The following RGL1 variants were observed in gnomAD, a reference collection of about 807,000 sequenced individuals.
RGL1 encodes the protein ral guanine nucleotide dissociation stimulator-like 1.
A neutral mutation model predicts 95.2 loss-of-function variants in RGL1; 24 were observed. That is an observed-to-expected ratio of 0.25 (90% CI 0.18 to 0.35). The LOEUF (loss-of-function observed/expected upper bound fraction) is 0.35, where lower values mean the gene tolerates loss of function less well. RGL1 is among the 10% of genes least tolerant of loss of function. The pLI is 1.00. For missense variants in RGL1, 715 were observed against 936.3 expected (o/e 0.76, Z 3.08); for synonymous variants, 329 against 344.9 (o/e 0.95, Z 0.51).
chr1:183,821,161 T>G lies in RGL1; in HGVS notation c.138+14676T>G, dbSNP rs12075551. Among the ~76,000 whole-genome samples, 219 of 152,140 alleles carry G rather than the reference T, an allele frequency of 1.4e-3. 2 individuals carry two copies. In the East Asian group the frequency reaches 0.035, roughly 25 times the overall value. Reference sequence around the variant, plus strand: ...ATAATAATAATAATAATAATAATACTTGTACCTGTTTCTTTTCAATGTTTT... The same window carrying G: ...ATAATAATAATAATAATAATAATACGTGTACCTGTTTCTTTTCAATGTTTT... On this transcript the variant is annotated intron_variant, in intron 2 of 17. Coordinates refer to ENST00000360851, the MANE Select transcript of RGL1 (RefSeq NM_001297671.3).
intron 1 of RGL1, among the ~76,000 whole-genome samples, chr1:183,738,687 G>A (rs940769804): frequency 6.6e-6 from 1 of 152,088 alleles, no homozygotes; most frequent in Non-Finnish European, 1.5e-5. Context: ...GATAATTTGA[G>A]GCCAAGAGTT....
chr1:183,793,234 A>T (rs1183080651), intron 2 of RGL1, among the ~76,000 whole-genome samples: 1 of 152,216 alleles, frequency 6.6e-6, no homozygotes, highest in Non-Finnish European at 1.5e-5. Flanking sequence ...GGATGTTCAT[A>T]TGCAGAAGAA....
chr1:183,860,800 G>T (rs1420275926), intron 3 of RGL1, among the ~76,000 whole-genome samples: 1 of 152,170 alleles, frequency 6.6e-6, no homozygotes, highest in Non-Finnish European at 1.5e-5. Flanking sequence ...TGAAAACAGA[G>T]ACTTTGGTTT....
chr1:183,740,173 A>G (rs1309292090), intron 1 of RGL1, among the ~76,000 whole-genome samples: 1 of 151,782 alleles, frequency 6.6e-6, no homozygotes, highest in Non-Finnish European at 1.5e-5. Context: ...CTTTTTTTGG[A>G]CTGAAATCTC....
At chr1:183,915,927 G>A (rs1668933754) in intron 15 of RGL1, among the ~76,000 whole-genome samples, 1 of 152,204 alleles carries the variant, frequency 6.6e-6, no homozygotes. Context: ...AGCAGAACAG[G>A]TATGGGACTA....
chr1:183,657,296 T>A (rs954276884), intron 1 of RGL1, among the ~76,000 whole-genome samples: 1 of 152,228 alleles, frequency 6.6e-6, no homozygotes, highest in Non-Finnish European at 1.5e-5. Context: ...TTTTAAAAAA[T>A]TTTATTATTA....
At chr1:183,660,812 G>A (rs1281517565) in intron 1 of RGL1, among the ~76,000 whole-genome samples, 2 of 152,040 alleles carry the variant, frequency 1.3e-5, no homozygotes, top group Non-Finnish European at 2.9e-5. Context: ...TTGGAAGTAA[G>A]CTCTCCTCAG....
chr1:183,806,264 C>T, intron 1 of RGL1, 111 bp from the exon 2 acceptor site: 1 of 702,746 alleles, frequency 1.4e-6, no homozygotes, highest in Non-Finnish European at 2.5e-6. Flanking sequence ...TTTGAACAGC[C>T]CATCTTGTGC....
chr1:183,776,560 G>A (rs1659614617), intron 2 of RGL1, among the ~76,000 whole-genome samples: 1 of 152,210 alleles, frequency 6.6e-6, no homozygotes, highest in Non-Finnish European at 1.5e-5. Flanking sequence ...AAAGCTAAGA[G>A]GAATTAATGA....
intron 1 of RGL1, among the ~76,000 whole-genome samples, chr1:183,726,651 C>G (rs1342585211): frequency 6.6e-6 from 1 of 152,010 alleles, no homozygotes; most frequent in Non-Finnish European, 1.5e-5. Context: ...AATGTATAGG[C>G]CCAGATTTAT....
chr1:183,775,231 A>G (rs182024798), intron 2 of RGL1, among the ~76,000 whole-genome samples: 42 of 152,318 alleles, frequency 2.8e-4, no homozygotes, highest in African/African-American at 9.9e-4. Flanking sequence ...TGTTTCGGTA[A>G]CATATTCCAT....
chr1:183,726,620 T>C (rs1656326770), intron 1 of RGL1, among the ~76,000 whole-genome samples: 1 of 152,280 alleles, frequency 6.6e-6, no homozygotes, highest in East Asian at 1.9e-4. Context: ...TAATTTGTAA[T>C]TAGAAATCTT....
chr1:183,779,889 AATGTATTTGTGAAGG>A (rs368960924), intron 2 of RGL1, among the ~76,000 whole-genome samples: 1 of 152,256 alleles, frequency 6.6e-6, no homozygotes, highest in African/African-American at 2.4e-5. Flanking sequence ...GTGGGTGAAG[AATGTATTTGTGAAGG>A]AGGAAATGGG....
intron 2 of RGL1, among the ~76,000 whole-genome samples, chr1:183,796,164 ATTTTTTT>A (rs566005120): frequency 7.8e-6 from 1 of 128,090 alleles, no homozygotes; most frequent in East Asian, 2.2e-4. Context: ...TTGTATTCCT[ATTTTTTT>A]TTTTTTTTTT....
chr1:183,777,457 G>A (rs1376579001), intron 2 of RGL1, among the ~76,000 whole-genome samples: 1 of 152,162 alleles, frequency 6.6e-6, no homozygotes, highest in Non-Finnish European at 1.5e-5. Flanking sequence ...CTGGGGCAGG[G>A]ATGAAGGAGG....
intron 1 of RGL1, among the ~76,000 whole-genome samples, chr1:183,657,704 G>T (rs563816624): frequency 4.0e-4 from 60 of 151,716 alleles, no homozygotes; most frequent in African/African-American, 1.4e-3. Context: ...TGGACATTTG[G>T]GTTGGTTCCA....
chr1:183,879,188 G>C (rs186567572), intron 4 of RGL1, among the ~76,000 whole-genome samples: 1 of 133,588 alleles, frequency 7.5e-6, no homozygotes, highest in Admixed American at 7.3e-5. Context: ...ATGCTTTAAC[G>C]TTCCACATTA....
At chr1:183,654,454 A>G (rs890787082) in intron 1 of RGL1, among the ~76,000 whole-genome samples, 4 of 152,226 alleles carry the variant, frequency 2.6e-5, no homozygotes, top group Admixed American at 2.6e-4. Flanking sequence ...TCTATTGCAA[A>G]CATTACTTTA....
At chr1:183,909,230 G>A (rs1668508984) in intron 14 of RGL1, among the ~76,000 whole-genome samples, 1 of 152,174 alleles carries the variant, frequency 6.6e-6, no homozygotes. Context: ...GATCTTCTTA[G>A]CATGTTTACA....
Sources: gnomAD v4.1 joint callset for allele counts (sites outside exome capture counted in the v4.1 genomes callset) on GRCh38, gnomAD v4.1.1 for gene constraint, MANE v1.5 for transcripts, NCBI Gene and HGNC (gene_info 2026-07-23, HGNC 2026-07-21) for gene names.